Variants in PRSS3 observed in about 807,000 individuals in gnomAD.
The protein encoded by PRSS3 is serine protease 3, also known as trypsin-3.
A neutral mutation model predicts 20.8 loss-of-function variants in PRSS3; 14 were observed. That is an observed-to-expected ratio of 0.67 (90% confidence interval 0.44 to 1.05). The LOEUF is 1.05. PRSS3 is among the 50% of genes least tolerant of loss of function. The pLI, the probability that PRSS3 is intolerant of heterozygous loss-of-function variation, is 0.00. For missense variants in PRSS3, 237 were observed against 306.4 expected (o/e 0.77, Z 1.69); for synonymous variants, 91 against 117.6 (o/e 0.77, Z 1.46).
intron 1 of PRSS3, chr9:33,786,820 C>T: frequency 1.3e-6 from 1 of 750,686 alleles, no homozygotes; most frequent in Admixed American, 1.7e-5. Flanking sequence ...ACCTCTGCAG[C>T]GTTGAAGACA....
chr9:33,756,353 G>A (rs2118749429), intron 1 of PRSS3, among the ~76,000 whole-genome samples: 1 of 152,162 alleles, frequency 6.6e-6, no homozygotes, highest in Admixed American at 6.6e-5. Flanking sequence ...GATATTTCAT[G>A]ATGCTGTTAT....
chr9:33,764,856 A>T (rs1457966068), intron 1 of PRSS3, among the ~76,000 whole-genome samples: 3 of 152,076 alleles, frequency 2.0e-5, no homozygotes, highest in African/African-American at 7.3e-5. Flanking sequence ...TAAAATGGGC[A>T]ATGTATTTGA....
chr9:33,768,490 AAAC>A (rs1823546789), intron 1 of PRSS3, among the ~76,000 whole-genome samples: 1 of 151,806 alleles, frequency 6.6e-6, no homozygotes, highest in African/African-American at 2.4e-5. Context: ...GGAAAAAAAA[AAAC>A]AACAACAGAA....
intron 4 of PRSS3, 134 bp downstream of exon 4, chr9:33,798,756 C>A: frequency 4.2e-6 from 6 of 1,444,278 alleles, no homozygotes; most frequent in Non-Finnish European, 4.8e-6. Context: ...AGGAAGGTGG[C>A]GGGGCTGAGG....
chr9:33,794,740 G>A (rs1824819330), upstream of PRSS3: 2 of 1,545,676 alleles, frequency 1.3e-6, no homozygotes, highest in Non-Finnish European at 1.7e-6. Flanking sequence ...ATCACCCTAA[G>A]TGCAGGTTGC....
intron 1 of PRSS3, among the ~76,000 whole-genome samples, chr9:33,774,847 A>G (rs2974954): frequency 0.97 from 147,015 of 151,824 alleles, 71,259 homozygotes; most frequent in Non-Finnish European, 1. Context: ...AATTACAGGC[A>G]TGGTGGCGCA....
Position 33,795,568 on chromosome 9 carries a change from A to G in PRSS3, c.-6A>G. The G allele has an allele frequency of 6.2e-7, 1 of 1,614,156 alleles. No homozygotes were observed. The highest frequency in any genetic ancestry group is 8.5e-7 in the Non-Finnish European group (1 of 1,180,024). ...TTCCACCACCAGTCAGGCACACTCTACCACCATGAATCCATTCCTGATCCT... is the reference window on the plus strand; with the variant it reads ...TTCCACCACCAGTCAGGCACACTCTGCCACCATGAATCCATTCCTGATCCT... On this transcript the variant is annotated 5_prime_UTR_variant, in exon 1 of 5. Transcript: ENST00000379405.
chr9:33,763,560 G>T (rs1208384809), intron 1 of PRSS3, among the ~76,000 whole-genome samples: 4 of 152,164 alleles, frequency 2.6e-5, no homozygotes, highest in African/African-American at 9.6e-5. Flanking sequence ...TTAGCCGGGC[G>T]TGGTGGCGGG....
At chr9:33,774,692 A>T (rs1364241171) in intron 1 of PRSS3, among the ~76,000 whole-genome samples, 1 of 151,438 alleles carries the variant, frequency 6.6e-6, no homozygotes, top group Non-Finnish European at 1.5e-5. Flanking sequence ...AGGAGGGTTT[A>T]AAAAAAAAGC....
chr9:33,767,809 G>GGGTGA (rs1823503301), intron 1 of PRSS3, among the ~76,000 whole-genome samples: 1 of 151,800 alleles, frequency 6.6e-6, no homozygotes, highest in Admixed American at 6.6e-5. Context: ...TGGGCAACAA[G>GGGTGA]AGCGAACCTC....
Position 33,799,073 on chromosome 9 carries a change from G to C in PRSS3, c.637G>C (p.Val213Leu). 1 of 1,573,586 alleles carries C rather than the reference G, an allele frequency of 6.4e-7. No homozygotes were observed. ...PVVCNGQLQG[V>L]VSWGHGCAWK... ...GGTCTGCAACGGACAGCTCCAAGGA[G>C]TTGTCTCCTGGGGCCATGGCTGTGC... is the stretch of plus-strand genomic sequence containing the variant. Residue 213 changes from valine (V) to leucine (L), a missense_variant, in exon 5 of 5, where the codon GTT becomes CTT. Transcript: ENST00000379405.
intron 1 of PRSS3, among the ~76,000 whole-genome samples, chr9:33,782,314 G>A (rs1031045066): frequency 3.3e-5 from 5 of 152,132 alleles, no homozygotes; most frequent in African/African-American, 1.2e-4. Context: ...TATTAAAGGA[G>A]GTAATTAAAG....
At chr9:33,798,415 C>T (rs1158668898) in intron 3 of PRSS3, 71 bp from the exon 4 acceptor site, 1 of 1,594,528 alleles carries the variant, frequency 6.3e-7, no homozygotes, top group Non-Finnish European at 8.6e-7. Context: ...ATGTTCCATC[C>T]CAGATTATTG....
At chr9:33,782,949 C>G (rs189333058) in intron 1 of PRSS3, among the ~76,000 whole-genome samples, 2 of 152,190 alleles carry the variant, frequency 1.3e-5, no homozygotes, top group Admixed American at 6.5e-5. Context: ...TTCATCATTG[C>G]GAAAACCTGG....
intron 1 of PRSS3, among the ~76,000 whole-genome samples, chr9:33,764,090 T>G (rs1823320930): frequency 6.6e-6 from 1 of 152,240 alleles, no homozygotes; most frequent in African/African-American, 2.4e-5. Flanking sequence ...TGATGAAATC[T>G]ACTTTTAAGA....
At chr9:33,785,635 C>A (rs1160245381) in intron 1 of PRSS3, among the ~76,000 whole-genome samples, 1 of 151,942 alleles carries the variant, frequency 6.6e-6, no homozygotes, top group Non-Finnish European at 1.5e-5. Context: ...ATATAAGAGA[C>A]AATGCATTTA....
chr9:33,796,809 G>C lies in PRSS3; in HGVS notation c.200+7G>C, dbSNP rs569317609. The stretch of plus-strand genomic sequence containing the variant: ...CAGCTCACTGCTACAAGACGTAAGT[G>C]TGGGGCCCCTGACTGCAAAGCTCCC... On this transcript the variant is annotated splice_region_variant and intron_variant, in intron 2 of 4. Transcript: ENST00000379405. 6.6e-7 allele frequency: 1 copy of C among 1,516,926 alleles called. No homozygotes were observed. Among genetic ancestry groups the C allele is most frequent in the South Asian group, 1.2e-5 (1 of 83,480 alleles). 94.0% of individuals were successfully genotyped at this position (1,516,926 alleles called of 1,614,324 possible).
chr9:33,751,016 C>T (rs1347885069), intron 1 of PRSS3, among the ~76,000 whole-genome samples: 1 of 152,120 alleles, frequency 6.6e-6, no homozygotes, highest in Non-Finnish European at 1.5e-5. Flanking sequence ...CCCACCGCCC[C>T]CGAGTGCCTA....
chr9:33,794,502 C>T (rs1483230400), upstream of PRSS3, among the ~76,000 whole-genome samples: 1 of 152,150 alleles, frequency 6.6e-6, no homozygotes, highest in Non-Finnish European at 1.5e-5. Flanking sequence ...GATACTAAGC[C>T]CAGCATAATC....
Sources: allele counts gnomAD v4.1 joint callset (sites outside exome capture counted in the v4.1 genomes callset), GRCh38; gene constraint gnomAD v4.1.1; transcripts MANE v1.5; gene names NCBI Gene and HGNC (gene_info 2026-07-23, HGNC 2026-07-21).